The following HNRNPD variants were observed in gnomAD, a reference collection of about 807,000 sequenced individuals.
HNRNPD encodes heterogeneous nuclear ribonucleoprotein D, also known as heterogeneous nuclear ribonucleoprotein D0.
A neutral mutation model predicts 47.9 loss-of-function variants in HNRNPD; 3 were observed. The ratio of observed to expected loss-of-function variants is 0.06; its 90% CI spans 0.03 to 0.16. The LOEUF is 0.16. Ranked by LOEUF, HNRNPD falls within the 10% of genes least tolerant of loss-of-function variation. The probability of loss-of-function intolerance (pLI) is 1.00; values close to 1 mark genes in which losing one functional copy is unlikely to be tolerated. For synonymous variants in HNRNPD, 171 were observed against 165.1 expected (o/e 1.04, Z -0.28); for missense variants, 287 against 454.2 (o/e 0.63, Z 3.35).
chr4:82,357,226 G>T (rs1723750665), intron 5 of HNRNPD, 87 bp downstream of exon 5: 2 of 1,407,688 alleles, frequency 1.4e-6, no homozygotes, highest in South Asian at 1.5e-5. Flanking sequence ...AGCATGCAAA[G>T]AACTTAAGCC....
intron 7 of HNRNPD, 108 bp from the exon 8 acceptor site, chr4:82,355,509 CA>C: frequency 1.3e-6 from 1 of 774,628 alleles, no homozygotes; most frequent in Non-Finnish European, 2.2e-6. Context: ...GCTTAATTCC[CA>C]AGTGTGAAAA....
intron 2 of HNRNPD, among the ~76,000 whole-genome samples, chr4:82,367,174 A>T (rs935094039): frequency 1.3e-5 from 2 of 151,698 alleles, no homozygotes; most frequent in African/African-American, 2.4e-5. Flanking sequence ...ATTAACTTTA[A>T]ATGCTTAATC....
chr4:82,369,238 A>G (rs551151670), intron 2 of HNRNPD, among the ~76,000 whole-genome samples: 3 of 152,366 alleles, frequency 2.0e-5, no homozygotes, highest in African/African-American at 7.2e-5. Flanking sequence ...GAATGGGTCC[A>G]CACCACAAAG....
intron 1 of HNRNPD, among the ~76,000 whole-genome samples, chr4:82,372,378 A>G (rs1720089731): frequency 1.3e-5 from 2 of 152,320 alleles, no homozygotes; most frequent in East Asian, 3.9e-4. Flanking sequence ...GCAAGTTAAT[A>G]CTAAGAAATT....
intron 2 of HNRNPD, among the ~76,000 whole-genome samples, chr4:82,362,607 T>C (rs777407582): frequency 5.6e-4 from 85 of 152,222 alleles, no homozygotes; most frequent in Non-Finnish European, 1.1e-3. Flanking sequence ...TTTCTGTTTT[T>C]GGTTGCTTAG....
At chr4:82,355,530 G>C in intron 7 of HNRNPD, 129 bp from the exon 8 acceptor site, 1 of 665,820 alleles carries the variant, frequency 1.5e-6, no homozygotes, top group South Asian at 1.8e-5. Flanking sequence ...AATTCACCCT[G>C]AGCAATCATT....
At chr4:82,358,580 A>G (rs1723826787) in intron 4 of HNRNPD, 79 bp downstream of exon 4, 5 of 1,312,442 alleles carry the variant, frequency 3.8e-6, no homozygotes, top group Non-Finnish European at 5.3e-6. Context: ...TGAAAAGCCA[A>G]GTGACTCTGA....
chr4:82,356,438 A>T, intron 7 of HNRNPD, 99 bp downstream of exon 7: 1 of 922,538 alleles, frequency 1.1e-6, no homozygotes, highest in Non-Finnish European at 1.6e-6. Context: ...AAACCTGAAG[A>T]CATTTGCACT....
Position 82,353,582 on chromosome 4 carries a change from A to G in HNRNPD, c.*603T>C, listed in dbSNP as rs1411661944. On this transcript the variant is annotated 3_prime_UTR_variant, in exon 9 of 9. Transcript: ENST00000313899. ...TGGGCATTTGGGAAAATATTCATAT[A>G]AATCTTAATGGCTACATAAGGAAGT... is the stretch of plus-strand genomic sequence containing the variant. 1.3e-5 allele frequency: 2 copies of G among 152,688 alleles called. No individual in the cohort carries two copies. The highest frequency in any genetic ancestry group is 4.8e-5 in the African/African-American group (2 of 41,468). 9.5% of individuals were successfully genotyped at this position (152,688 alleles called of 1,614,324 possible). A position where few individuals can be genotyped will look rare whatever the true frequency, so the allele number is the denominator to read the frequency against.
intron 1 of HNRNPD, 28 bp from the exon 2 acceptor site, chr4:82,371,612 C>T: frequency 6.3e-7 from 1 of 1,596,372 alleles, no homozygotes; most frequent in Non-Finnish European, 8.6e-7. Context: ...GGTACAGCAA[C>T]CAATCAAAAT....
intron 2 of HNRNPD, among the ~76,000 whole-genome samples, chr4:82,371,091 C>T (rs1315497360): frequency 6.6e-6 from 1 of 152,136 alleles, no homozygotes; most frequent in Non-Finnish European, 1.5e-5. Context: ...AGAACTGCTT[C>T]AGACATCTCC....
intron 2 of HNRNPD, among the ~76,000 whole-genome samples, chr4:82,360,025 C>A (rs1003661306): frequency 6.6e-6 from 1 of 152,172 alleles, no homozygotes; most frequent in Non-Finnish European, 1.5e-5. Flanking sequence ...CAGTTCCCCA[C>A]TGATCTCAGC....
In HNRNPD at chr4:82,355,204, G is replaced by T. The variant is rs1014535618; in HGVS notation, c.*30+100C>A. On this transcript the variant is annotated intron_variant, in intron 8 of 8. Coordinates refer to ENST00000313899, the MANE Select transcript of HNRNPD (RefSeq NM_031370.3). ...TGTTATAATATGGTAAGCACTTCTG[G>T]GTGCTGTGAAACTCTTAAATTAAGC... is the stretch of plus-strand genomic sequence containing the variant. 48 of 707,126 alleles carry T rather than the reference G, an allele frequency of 6.8e-5. 1 individual carries two copies. Among genetic ancestry groups the T allele is most frequent in the South Asian group, 5.2e-4 (32 of 60,964 alleles). The allele number at this position is 707,126 out of a possible 1,614,324, so 43.8% of individuals were successfully genotyped here.
chr4:82,360,979 T>TA (rs1719387446), intron 2 of HNRNPD, among the ~76,000 whole-genome samples: 1 of 152,188 alleles, frequency 6.6e-6, no homozygotes, highest in South Asian at 2.1e-4. Context: ...CTTTTCAACT[T>TA]ACATGTATTC....
intron 1 of HNRNPD, among the ~76,000 whole-genome samples, chr4:82,372,348 T>C (rs1457663140): frequency 2.0e-5 from 3 of 152,138 alleles, no homozygotes; most frequent in Non-Finnish European, 4.4e-5. Flanking sequence ...TATATACAAC[T>C]GTTATTTCAA....
chr4:82,364,378 T>C (rs978247962), intron 2 of HNRNPD, among the ~76,000 whole-genome samples: 13 of 152,224 alleles, frequency 8.5e-5, no homozygotes, highest in Admixed American at 7.2e-4. Flanking sequence ...TAAAACTAGT[T>C]AACACACTTA....
intron 4 of HNRNPD, chr4:82,357,720 C>G (rs1318456339): frequency 1.2e-5 from 3 of 247,538 alleles, no homozygotes; most frequent in Non-Finnish European, 2.3e-5. Flanking sequence ...CAAATGCCCA[C>G]AAAGAACAAG....
chr4:82,370,232 T>C (rs1450319128), intron 2 of HNRNPD, among the ~76,000 whole-genome samples: 1 of 152,230 alleles, frequency 6.6e-6, no homozygotes, highest in African/African-American at 2.4e-5. Flanking sequence ...AATATAAACA[T>C]TTCTCCATTT....
rs749945499 is a variant in HNRNPD, at chr4:82,373,725, C to A, written c.-47G>T. ...GCCGCCGAGACTACACCCGCCGCTG[C>A]CGCGAACCGAAACTAGCAGCAAAGT... On this transcript the variant is annotated 5_prime_UTR_variant, in exon 1 of 9. Transcript: ENST00000313899. The A allele has an allele frequency of 2.0e-6, 3 of 1,529,352 alleles. No individual in the cohort carries two copies. In the South Asian group the frequency reaches 3.6e-5, roughly 18 times the overall value. 94.7% of individuals were successfully genotyped at this position (1,529,352 alleles called of 1,614,324 possible). A position where few individuals can be genotyped will look rare whatever the true frequency, so the allele number is the denominator to read the frequency against.
Sources: allele counts gnomAD v4.1 joint callset (sites outside exome capture counted in the v4.1 genomes callset), GRCh38; gene constraint gnomAD v4.1.1; transcripts MANE v1.5; gene names NCBI Gene and HGNC (gene_info 2026-07-23, HGNC 2026-07-21).